The following WWOX variants were observed in gnomAD, a reference collection of about 807,000 sequenced individuals.
WWOX encodes the protein WW domain-containing oxidoreductase.
In WWOX, 69 loss-of-function variants were observed where a neutral mutation model predicts 46.2. The observed-to-expected ratio is 1.49, with a 90% CI of 1.23 to 1.82. The LOEUF is 1.82. WWOX is among the 40% of genes most tolerant of loss of function. WWOX has a pLI of 0.00. For missense variants in WWOX, 919 were observed against 542.6 expected, an observed-to-expected ratio of 1.69 and a Z score of -6.89; for synonymous variants, 359 against 202.6, an observed-to-expected ratio of 1.77 and a Z score of -6.56.
chr16:78,360,960 A>G (rs1361906419), intron 5 of WWOX, among the ~76,000 whole-genome samples: 7 of 152,044 alleles, frequency 4.6e-5, no homozygotes, highest in African/African-American at 9.7e-5. Context: ...ATCTGGGACT[A>G]TACGCATGCA....
chr16:78,940,139 A>G (rs950724410), intron 8 of WWOX, among the ~76,000 whole-genome samples: 1 of 152,130 alleles, frequency 6.6e-6, no homozygotes, highest in African/African-American at 2.4e-5. Flanking sequence ...ACAATAATAT[A>G]TTTTTTCTAC....
chr16:78,242,751 T>TA (rs1467001203), intron 5 of WWOX, among the ~76,000 whole-genome samples: 1 of 152,314 alleles, frequency 6.6e-6, no homozygotes, highest in East Asian at 1.9e-4. Context: ...CTCACGCCTG[T>TA]AATCCTAGCA....
rs539557222 is a variant in WWOX, at chr16:78,731,374, C to A, written c.1056+298622C>A. 3.7e-4 allele frequency among the ~76,000 whole-genome samples: 56 copies of A among 152,242 alleles called. 1 individual carries two copies. Among genetic ancestry groups the A allele is most frequent in the Non-Finnish European group, 6.3e-4 (43 of 68,032 alleles). On this transcript the variant is annotated intron_variant, in intron 8 of 8. Coordinates refer to ENST00000566780, the MANE Select transcript of WWOX (RefSeq NM_016373.4). ...CCGCACCTTTTTATAGATTGCATGA[C>A]TTCAAAGATGCACACTAATACTACG...
chr16:78,637,611 C>G (rs1375213564), intron 8 of WWOX, among the ~76,000 whole-genome samples: 2 of 152,122 alleles, frequency 1.3e-5, no homozygotes, highest in Admixed American at 6.5e-5. Context: ...GACATCATTC[C>G]CAGATCAAAG....
chr16:78,907,658 T>G (rs897663480), intron 8 of WWOX, among the ~76,000 whole-genome samples: 1 of 152,212 alleles, frequency 6.6e-6, no homozygotes, highest in Non-Finnish European at 1.5e-5. Context: ...ACTCTTACAA[T>G]TTTTGCAAAG....
intron 8 of WWOX, among the ~76,000 whole-genome samples, chr16:78,879,870 T>C (rs2044307849): frequency 1.0e-5 from 1 of 97,978 alleles, no homozygotes; most frequent in Non-Finnish European, 2.3e-5. Flanking sequence ...ACAGCAAAAC[T>C]CTGTCTCAAA....
intron 8 of WWOX, among the ~76,000 whole-genome samples, chr16:78,915,092 G>A (rs1233313578): frequency 3.9e-5 from 6 of 152,048 alleles, no homozygotes; most frequent in Admixed American, 3.9e-4. Context: ...AGACCTCTTG[G>A]CTGGTTAAAT....
intron 8 of WWOX, among the ~76,000 whole-genome samples, chr16:78,713,742 C>A (rs561592981): frequency 1.3e-5 from 2 of 152,238 alleles, no homozygotes; most frequent in African/African-American, 4.8e-5. Flanking sequence ...GAATGTGCAG[C>A]CTTCAGAACT....
chr16:78,643,277 G>A (rs941479967), intron 8 of WWOX, among the ~76,000 whole-genome samples: 1 of 152,190 alleles, frequency 6.6e-6, no homozygotes, highest in African/African-American at 2.4e-5. Context: ...TTTACCATGT[G>A]CCAAGCATAG....
chr16:78,702,555 T>A (rs1170809506), intron 8 of WWOX, among the ~76,000 whole-genome samples: 1 of 151,520 alleles, frequency 6.6e-6, no homozygotes, highest in African/African-American at 2.4e-5. Context: ...CTCGGGAGGC[T>A]GAGGCAGGAG....
intron 8 of WWOX, among the ~76,000 whole-genome samples, chr16:78,895,148 T>A (rs1379734871): frequency 6.6e-6 from 1 of 152,214 alleles, no homozygotes; most frequent in African/African-American, 2.4e-5. Context: ...ATCCGCTTTT[T>A]CAAACCACAT....
intron 8 of WWOX, chr16:78,825,408 C>G (rs1200403211): frequency 6.2e-6 from 2 of 323,788 alleles, no homozygotes; most frequent in Non-Finnish European, 1.3e-5. Context: ...AAGTTACACC[C>G]ATCACGACAG....
intron 8 of WWOX, among the ~76,000 whole-genome samples, chr16:78,832,760 G>T (rs8056057): frequency 6.6e-6 from 1 of 151,994 alleles, no homozygotes; most frequent in Non-Finnish European, 1.5e-5. Flanking sequence ...CAGGCCAGCA[G>T]GTGAGTTGGG....
chr16:78,451,311 A>G (rs571482184), intron 8 of WWOX, among the ~76,000 whole-genome samples: 2 of 152,372 alleles, frequency 1.3e-5, no homozygotes, highest in African/African-American at 2.4e-5. Context: ...CTGAATGAGT[A>G]TACATTCTGC....
intron 8 of WWOX, among the ~76,000 whole-genome samples, chr16:78,922,023 C>T (rs1047369093): frequency 2.0e-5 from 3 of 152,200 alleles, no homozygotes; most frequent in Non-Finnish European, 4.4e-5. Flanking sequence ...GACATCAGGA[C>T]AGAATACTTT....
chr16:79,121,048 CGT>C (rs1483984397), intron 8 of WWOX, among the ~76,000 whole-genome samples: 1 of 152,188 alleles, frequency 6.6e-6, no homozygotes, highest in Non-Finnish European at 1.5e-5. Flanking sequence ...GGATTACAGG[CGT>C]GAGTCACCAT....
At chr16:78,790,417 G>C (rs2050565299) in intron 8 of WWOX, among the ~76,000 whole-genome samples, 1 of 152,140 alleles carries the variant, frequency 6.6e-6, no homozygotes, top group African/African-American at 2.4e-5. Flanking sequence ...TTACAGGTGT[G>C]AGCCACCGTG....
chr16:78,982,665 C>T (rs1271263039), intron 8 of WWOX, among the ~76,000 whole-genome samples: 1 of 152,122 alleles, frequency 6.6e-6, no homozygotes, highest in Non-Finnish European at 1.5e-5. Context: ...TGCAGGAGGA[C>T]TGTTAATATT....
intron 3 of WWOX, among the ~76,000 whole-genome samples, chr16:78,114,447 A>G (rs1329941931): frequency 6.6e-6 from 1 of 152,180 alleles, no homozygotes; most frequent in Non-Finnish European, 1.5e-5. Context: ...TCAATTCCAA[A>G]TCAAAATGAG....
Sources: allele counts gnomAD v4.1 joint callset (sites outside exome capture counted in the v4.1 genomes callset), GRCh38; gene constraint gnomAD v4.1.1; transcripts MANE v1.5; gene names NCBI Gene and HGNC (gene_info 2026-07-23, HGNC 2026-07-21).